The following PTPRN2 variants were observed in gnomAD, a reference collection of about 807,000 sequenced individuals.
The protein encoded by PTPRN2 is protein tyrosine phosphatase receptor type N2.
PTPRN2 carries 74 observed loss-of-function variants against 118.8 expected under a neutral mutation model. The observed-to-expected ratio is 0.62, with a 90% CI of 0.52 to 0.76. The LOEUF (loss-of-function observed/expected upper bound fraction) is 0.76. Among genes scored for constraint, PTPRN2 ranks in the 30% least tolerant of loss-of-function variants. The pLI is 0.00. For missense variants in PTPRN2, 1,481 were observed against 1,394.4 expected (o/e 1.06, Z -0.99); for synonymous variants, 641 against 608.0 (o/e 1.05, Z -0.80).
chr7:158,509,389 G>A lies in PTPRN2; in HGVS notation c.113-19604C>T, dbSNP rs1823015618. ...AGTCAGGGCCAGCGGGGCTGTCTCA[G>A]GCAGCACATCTAAAGGCCTCTCCAA... On this transcript the variant is annotated intron_variant, in intron 1 of 22. Coordinates refer to ENST00000389418, the MANE Select transcript of PTPRN2 (RefSeq NM_002847.5). The surrounding 1 kb of genome is among the most constrained non-coding windows in gnomAD (Gnocchi z 4.4). 6.6e-6 allele frequency among the ~76,000 whole-genome samples: 1 copy of A among 152,186 alleles called. No individual in the cohort carries two copies. Among genetic ancestry groups the A allele is most frequent in the South Asian group, 2.1e-4 (1 of 4,824 alleles).
chr7:158,341,500 G>C (rs62493635), intron 2 of PTPRN2, among the ~76,000 whole-genome samples: 6,916 of 38,012 alleles, frequency 0.18, 1,491 homozygotes, highest in Middle Eastern at 0.41. Flanking sequence ...TTGGTGACAC[G>C]TGCAGACGTC....
chr7:158,074,415 T>C (rs570528893), intron 11 of PTPRN2, among the ~76,000 whole-genome samples: 7 of 152,334 alleles, frequency 4.6e-5, no homozygotes, highest in African/African-American at 9.6e-5. Flanking sequence ...CTCCTGCACA[T>C]GTGAAAGCCT....
At chr7:158,337,398 G>GAGGCCCA in intron 2 of PTPRN2, among the ~76,000 whole-genome samples, 1 of 131,190 alleles carries the variant, frequency 7.6e-6, no homozygotes, top group East Asian at 2.4e-4. Context: ...GGTAACACCT[G>GAGGCCCA]CAGACGTCCC....
rs188756718 is a variant in PTPRN2 at position 158,019,654 on chromosome 7, G to A, written c.1723+61644C>T. ...TCCCATCATAGACAAGACCTATATT[G>A]AGCAAACCAGGCTGTAGAGTTAGTG... On this transcript the variant is annotated intron_variant, in intron 11 of 22. Transcript: ENST00000389418. 1.5e-3 allele frequency among the ~76,000 whole-genome samples: 227 copies of A among 152,278 alleles called. 3 individuals are homozygous for A. Among genetic ancestry groups the A allele is most frequent in the African/African-American group, 4.9e-3 (203 of 41,562 alleles).
chr7:158,326,644 TCA>T (rs377213419), intron 2 of PTPRN2, among the ~76,000 whole-genome samples: 4 of 25,796 alleles, frequency 1.6e-4, no homozygotes, highest in Non-Finnish European at 3.6e-4. Flanking sequence ...GCACACGTTT[TCA>T]CACATGCTCA....
chr7:157,748,474 C>T (rs552851956), intron 12 of PTPRN2, among the ~76,000 whole-genome samples: 107 of 148,530 alleles, frequency 7.2e-4, no homozygotes, highest in Middle Eastern at 3.7e-3. Context: ...GATTCTGAGG[C>T]CTGCGTCCCT....
chr7:158,071,974 C>T (rs373056675), intron 11 of PTPRN2, among the ~76,000 whole-genome samples: 19 of 33,340 alleles, frequency 5.7e-4, no homozygotes, highest in Admixed American at 8.0e-4. Context: ...ATGGAGGTGC[C>T]CGTGGTGGAG....
intron 19 of PTPRN2, among the ~76,000 whole-genome samples, chr7:157,574,728 C>T (rs756384841): frequency 1.3e-5 from 2 of 152,176 alleles, no homozygotes; most frequent in Admixed American, 6.5e-5. Context: ...TGAAGATGGC[C>T]GGTGTCTTCA....
intron 3 of PTPRN2, among the ~76,000 whole-genome samples, chr7:158,309,180 G>A (rs563479630): frequency 6.6e-6 from 1 of 152,340 alleles, no homozygotes; most frequent in African/African-American, 2.4e-5. Context: ...GCAAAGTATT[G>A]ATCCTGGGTG....
rs900572218 is a variant in PTPRN2, at chr7:158,525,494, C to G, written c.113-35709G>C. Among the ~76,000 whole-genome samples the G allele has an allele frequency of 6.6e-6, 1 of 152,198 alleles. No homozygotes were observed. The highest frequency in any genetic ancestry group is 2.4e-5 in the African/African-American group (1 of 41,458). On this transcript the variant is annotated intron_variant, in intron 1 of 22. Coordinates refer to ENST00000389418, the MANE Select transcript of PTPRN2 (RefSeq NM_002847.5). The surrounding 1 kb of genome is among the most constrained non-coding windows in gnomAD (Gnocchi z 4.1). ...GCACCCCTCGCTCTACAGCTGGACA[C>G]AGGCTCTGCAGAAATCCTGAGCTGG...
At chr7:157,592,454 C>A in intron 17 of PTPRN2, among the ~76,000 whole-genome samples, 1 of 136,846 alleles carries the variant, frequency 7.3e-6, no homozygotes, top group South Asian at 2.4e-4. Flanking sequence ...ACACCGAGAG[C>A]CTTCACACAG....
chr7:157,755,126 C>A (rs1801702721), intron 12 of PTPRN2, among the ~76,000 whole-genome samples: 1 of 152,194 alleles, frequency 6.6e-6, no homozygotes, highest in Admixed American at 6.5e-5. Flanking sequence ...GCTCAGCAAT[C>A]TGCCTGCCTT....
At chr7:158,132,412 T>C in intron 9 of PTPRN2, among the ~76,000 whole-genome samples, 1 of 151,054 alleles carries the variant, frequency 6.6e-6, no homozygotes, top group South Asian at 2.1e-4. Flanking sequence ...AATACACATC[T>C]ACCCGACACA....
chr7:158,247,379 C>T lies in PTPRN2; in HGVS notation c.278-42106G>A, dbSNP rs1796325972. ...GGGAGGAGGGCGCTCTTGACCGTGT[C>T]TGCGTGTCTAAGCAAAGGATACAGG... On this transcript the variant is annotated intron_variant, in intron 3 of 22. Coordinates refer to ENST00000389418, the MANE Select transcript of PTPRN2 (RefSeq NM_002847.5). 2.0e-5 allele frequency among the ~76,000 whole-genome samples: 3 copies of T among 152,182 alleles called. No homozygotes were observed. The South Asian group carries it at 6.2e-4, about 32-fold the overall frequency.
At chr7:157,883,161 A>T (rs1172565441) in intron 12 of PTPRN2, among the ~76,000 whole-genome samples, 2 of 151,614 alleles carry the variant, frequency 1.3e-5, no homozygotes, top group Admixed American at 6.6e-5. Context: ...CACCACCCCA[A>T]AAATGACTGT....
At chr7:158,541,775 GGAAGTATCA>G in intron 1 of PTPRN2, 1 of 983,024 alleles carries the variant, frequency 1.0e-6, no homozygotes, top group Non-Finnish European at 1.2e-6. Context: ...GCATAAAAGG[GGAAGTATCA>G]GAGGAGAAGG....
At position 157,573,428 on chromosome 7, in the gene PTPRN2, G is replaced by A. The variant is rs1343080039; in HGVS notation, c.2784-1935C>T. On this transcript the variant is annotated intron_variant, in intron 19 of 22. Transcript: ENST00000389418. ...AGCTTCCTGCTGTGTTTCACACCTC[G>A]TGGTCCACTCTACGCAGAGACTAAG... Among the ~76,000 whole-genome samples, 7 of 152,188 alleles carry A rather than the reference G, an allele frequency of 4.6e-5. No homozygotes were observed. In the East Asian group the frequency reaches 1.2e-3, roughly 25 times the overall value.
rs1801451803 is a variant in PTPRN2, at chr7:157,598,098, G to A, written c.2419-2783C>T. On this transcript the variant is annotated intron_variant, in intron 16 of 22. Transcript: ENST00000389418. The surrounding 1 kb of genome is among the most constrained non-coding windows in gnomAD (Gnocchi z 5.2). The stretch of plus-strand genomic sequence containing the variant: ...TTTAAGGTTTTCGGGCAGGATAAGT[G>A]GCTGTGGAGGAAATCAAGTGAGTTT... 6.6e-6 allele frequency among the ~76,000 whole-genome samples: 1 copy of A among 152,188 alleles called. No individual in the cohort carries two copies. Among genetic ancestry groups the A allele is most frequent in the African/African-American group, 2.4e-5 (1 of 41,438 alleles).
Position 157,929,874 on chromosome 7 carries a change from T to A in PTPRN2, c.1724-31137A>T, listed in dbSNP as rs1039137839. On this transcript the variant is annotated intron_variant, in intron 11 of 22. Coordinates refer to ENST00000389418, the MANE Select transcript of PTPRN2 (RefSeq NM_002847.5). This position sits in a 1 kb window ranked among gnomAD's most constrained non-coding sequence, Gnocchi z 4.4. ...AGGTCGGCACGCTTATTGTAATGAA[T>A]CTGAAGGCAGCCCCCACCAACGCGC... Among the ~76,000 whole-genome samples, 1 of 152,080 alleles carries A rather than the reference T, an allele frequency of 6.6e-6. No homozygotes were observed. Among genetic ancestry groups the A allele is most frequent in the African/African-American group, 2.4e-5 (1 of 41,408 alleles).
Sources: gnomAD v4.1 joint callset for allele counts (sites outside exome capture counted in the v4.1 genomes callset) on GRCh38, gnomAD v4.1.1 for gene constraint, Gnocchi (gnomAD v3.1) non-coding constraint, MANE v1.5 for transcripts, NCBI Gene and HGNC (gene_info 2026-07-23, HGNC 2026-07-21) for gene names.